Variants in MTX3 observed in about 807,000 individuals in gnomAD.
MTX3 encodes metaxin 3.
A neutral mutation model predicts 42.5 loss-of-function variants in MTX3; 27 were observed. The observed-to-expected ratio is 0.64, with a 90% CI of 0.47 to 0.88. MTX3 has a LOEUF of 0.88. Among genes scored for constraint, MTX3 ranks in the 40% least tolerant of loss-of-function variants. The pLI, the probability that MTX3 is intolerant of heterozygous loss-of-function variation, is 0.00. For missense variants in MTX3, 378 were observed against 367.0 expected (o/e 1.03, Z -0.25); for synonymous variants, 144 against 132.9 (o/e 1.08, Z -0.57).
rs1831416189 is a variant in MTX3, at chr5:79,983,434, T to TACG, written c.*247_*249dup. ...GATTAAGGCAGTTCTTTGTATACAG[T>TACG]ACGATGTGTTTTTCTTCCCCGCCCC... On this transcript the variant is annotated 3_prime_UTR_variant, in exon 9 of 9. Coordinates refer to ENST00000512528, the MANE Select transcript of MTX3 (RefSeq NM_001363818.2). The TACG allele has an allele frequency of 1.9e-6, 1 of 520,834 alleles. No homozygotes were observed. Among genetic ancestry groups the TACG allele is most frequent in the Non-Finnish European group, 3.4e-6 (1 of 290,494 alleles). The allele number at this position is 520,834 out of a possible 1,614,324, so 32.3% of individuals were successfully genotyped here. A position where few individuals can be genotyped will look rare whatever the true frequency, so the allele number is the denominator to read the frequency against.
intron 4 of MTX3, 102 bp from the exon 5 acceptor site, chr5:79,988,746 T>A: frequency 9.4e-7 from 1 of 1,064,952 alleles, no homozygotes; most frequent in Non-Finnish European, 1.3e-6. Flanking sequence ...ATATGAAGTG[T>A]CTTCATACAA....
Position 79,977,132 on chromosome 5 carries a change from T to C in MTX3, c.*6552A>G, listed in dbSNP as rs959689690. The C allele has an allele frequency of 6.6e-6, 1 of 152,080 alleles. No individual in the cohort carries two copies. The highest frequency in any genetic ancestry group is 2.4e-5 in the African/African-American group (1 of 41,402). The allele number at this position is 152,080 out of a possible 1,614,324, so 9.4% of individuals were successfully genotyped here. A position where few individuals can be genotyped will look rare whatever the true frequency, so the allele number is the denominator to read the frequency against. On this transcript the variant is annotated 3_prime_UTR_variant, in exon 9 of 9. Transcript: ENST00000512528. The stretch of plus-strand genomic sequence containing the variant: ...TCCCACTTCAAAATGAACAGAAAAA[T>C]GGAAAAACATTATTTCCCATTTCAT...
Position 79,985,563 on chromosome 5 carries a change from G to T in MTX3, c.828+8C>A, listed in dbSNP as rs765339406. The stretch of plus-strand genomic sequence containing the variant: ...GAACTATGATAAAATGATTGAAGTA[G>T]ACTTGACCTTTTCAATCAAGTTGGA... On this transcript the variant is annotated splice_region_variant and intron_variant, in intron 8 of 8. Coordinates refer to ENST00000512528, the MANE Select transcript of MTX3 (RefSeq NM_001363818.2). 5 of 1,573,868 alleles carry T rather than the reference G, an allele frequency of 3.2e-6. No homozygotes were observed. Among genetic ancestry groups the T allele is most frequent in the African/African-American group, 2.7e-5 (2 of 74,168 alleles).
At chr5:79,988,697 ATCAC>A in intron 4 of MTX3, 53 bp from the exon 5 acceptor site, 1 of 1,421,878 alleles carries the variant, frequency 7.0e-7, no homozygotes, top group Non-Finnish European at 9.4e-7. Context: ...TAAATGAAAG[ATCAC>A]TCAATCAACA....
At chr5:79,990,556 A>G (rs773578153) in intron 2 of MTX3, 38 bp downstream of exon 2, 94 of 1,308,010 alleles carry the variant, frequency 7.2e-5, no homozygotes, top group Non-Finnish European at 1.0e-4. Flanking sequence ...AAGAAAAAAA[A>G]GAGTGCAGAA....
At chr5:79,985,782 CAA>C (rs1457868752) in intron 7 of MTX3, 123 bp from the exon 8 acceptor site, 1 of 626,012 alleles carries the variant, frequency 1.6e-6, no homozygotes, top group African/African-American at 1.9e-5. Flanking sequence ...CCAAAAAAGG[CAA>C]AGAGGAAAAC....
At position 79,982,819 on chromosome 5, in the gene MTX3, C is replaced by T. The variant is rs559400490; in HGVS notation, c.*865G>A. ...TCTACTACCCTGGCCATGGGCTCCT[C>T]CTGAGTAGTGTCTAACAAGTGGGCA... On this transcript the variant is annotated 3_prime_UTR_variant, in exon 9 of 9. Coordinates refer to ENST00000512528, the MANE Select transcript of MTX3 (RefSeq NM_001363818.2). 3 of 167,748 alleles carry T rather than the reference C, an allele frequency of 1.8e-5. No homozygotes were observed. Among genetic ancestry groups the T allele is most frequent in the Non-Finnish European group, 3.9e-5 (3 of 77,720 alleles). The allele number at this position is 167,748 out of a possible 1,614,324, so 10.4% of individuals were successfully genotyped here.
chr5:79,988,763 C>A, intron 4 of MTX3, 119 bp from the exon 5 acceptor site: 2 of 926,348 alleles, frequency 2.2e-6, no homozygotes, highest in Non-Finnish European at 3.2e-6. Flanking sequence ...ACAAATTTTC[C>A]AGTTAGAATG....
chr5:79,990,704 G>T, intron 1 of MTX3, 41 bp from the exon 2 acceptor site: 1 of 1,443,168 alleles, frequency 6.9e-7, no homozygotes, highest in Non-Finnish European at 9.7e-7. Flanking sequence ...GACCAAGTGC[G>T]TAATGCAAAG....
At chr5:79,989,298 A>C in intron 3 of MTX3, 54 bp from the exon 4 acceptor site, 1 of 1,083,608 alleles carries the variant, frequency 9.2e-7, no homozygotes, top group Non-Finnish European at 1.3e-6. Context: ...CAGCCCAAAG[A>C]CAGTAAAACT....
At position 79,981,001 on chromosome 5, in the gene MTX3, TC is replaced by T. The variant is rs1362781732; in HGVS notation, c.*2682del. 5 of 151,752 alleles carry T rather than the reference TC, an allele frequency of 3.3e-5. No homozygotes were observed. The highest frequency in any genetic ancestry group is 7.3e-5 in the Non-Finnish European group (5 of 68,040). 9.4% of individuals were successfully genotyped at this position (151,752 alleles called of 1,614,324 possible). A position where few individuals can be genotyped will look rare whatever the true frequency, so the allele number is the denominator to read the frequency against. Reference sequence around the variant, plus strand: ...GCCTGAGCAACATGGTGAAACCCCGTCTCGACTAAAAAAAAAACAAAATTAG... The same window carrying T: ...GCCTGAGCAACATGGTGAAACCCCGTTCGACTAAAAAAAAAACAAAATTAG... On this transcript the variant is annotated 3_prime_UTR_variant, in exon 9 of 9. Coordinates refer to ENST00000512528, the MANE Select transcript of MTX3 (RefSeq NM_001363818.2).
rs376227324 is a variant in MTX3, at chr5:79,986,997, C to T, written c.692G>A (p.Arg231His). 1.2e-6 allele frequency: 2 copies of T among 1,613,876 alleles called. No homozygotes were observed. Among genetic ancestry groups the T allele is most frequent in the Middle Eastern group, 1.6e-4 (1 of 6,062 alleles). The change falls in exon 7 of 9, where the codon CGC becomes CAC. Residue 231 changes from arginine (R) to histidine (H), a missense_variant. Transcript: ENST00000512528. ...EHLKQLSNLC[R>H]FCDDILSSYF... ...ACTGCTCAGGATGTCATCACAAAAG[C>T]GACAGAGGTTGGAGAGCTGTTTCAG...
chr5:79,985,232 C>G (rs984214513), intron 8 of MTX3, among the ~76,000 whole-genome samples: 1 of 152,080 alleles, frequency 6.6e-6, no homozygotes, highest in Non-Finnish European at 1.5e-5. Context: ...CTGCCCGCCT[C>G]GGCCTCCCAA....
chr5:79,988,315 T>C lies in MTX3; in HGVS notation c.505A>G (p.Ile169Val). The C allele has an allele frequency of 6.5e-7, 1 of 1,544,446 alleles. No individual in the cohort carries two copies. The highest frequency in any genetic ancestry group is 8.8e-7 in the Non-Finnish European group (1 of 1,136,484). ...AGGCACTCCTTGGCATCTCTGTATATCTAATAAGGATGAAATTATATCTCA... is the reference window on the plus strand; with the variant it reads ...AGGCACTCCTTGGCATCTCTGTATACCTAATAAGGATGAAATTATATCTCA... ...LYHLREVEAQIYRDAKECLNL... is the reference protein window; with the variant it reads ...LYHLREVEAQVYRDAKECLNL... Residue 169 changes from isoleucine (I) to valine (V), a missense_variant and splice_region_variant, in exon 6 of 9, where the codon ATA (isoleucine) becomes GTA (valine). Ile to Val is a conservative substitution (Grantham distance 29). Transcript: ENST00000512528.
Position 79,982,404 on chromosome 5 carries a change from G to C in MTX3, c.*1280C>G, listed in dbSNP as rs1343379565. The stretch of plus-strand genomic sequence containing the variant: ...CAAAGCTCATTTTCTTAACATATGG[G>C]TTCCTGCACGACTTGATAAGATTTG... On this transcript the variant is annotated 3_prime_UTR_variant, in exon 9 of 9. Coordinates refer to ENST00000512528, the MANE Select transcript of MTX3 (RefSeq NM_001363818.2). The C allele has an allele frequency of 4.4e-6, 2 of 456,402 alleles. No individual in the cohort carries two copies. The highest frequency in any genetic ancestry group is 4.0e-5 in the African/African-American group (2 of 50,038). The allele number at this position is 456,402 out of a possible 1,614,324, so 28.3% of individuals were successfully genotyped here.
At chr5:79,989,320 G>T in intron 3 of MTX3, 76 bp from the exon 4 acceptor site, 1 of 901,650 alleles carries the variant, frequency 1.1e-6, no homozygotes, top group Non-Finnish European at 1.7e-6. Flanking sequence ...ATCAAATCAG[G>T]ATTCATATTT....
intron 6 of MTX3, 106 bp downstream of exon 6, chr5:79,988,133 A>G: frequency 1.4e-6 from 1 of 707,406 alleles, no homozygotes. Flanking sequence ...TGTTTTTTTT[A>G]AGTAAAAAAC....
At position 79,980,287 on chromosome 5, in the gene MTX3, G is replaced by A. The variant is rs1831343404; in HGVS notation, c.*3397C>T. ...ACCTGTTTCTGCCTCTTTCAATGGT[G>A]TTTTTCCATTTTTACAGACTTCTGA... is the stretch of plus-strand genomic sequence containing the variant. On this transcript the variant is annotated 3_prime_UTR_variant, in exon 9 of 9. Coordinates refer to ENST00000512528, the MANE Select transcript of MTX3 (RefSeq NM_001363818.2). The A allele has an allele frequency of 6.6e-6, 1 of 152,032 alleles. No homozygotes were observed. The highest frequency in any genetic ancestry group is 1.5e-5 in the Non-Finnish European group (1 of 67,998). 9.4% of individuals were successfully genotyped at this position (152,032 alleles called of 1,614,324 possible).
rs1831301553 is a variant in MTX3, at chr5:79,978,383, A to C, written c.*5301T>G. On this transcript the variant is annotated 3_prime_UTR_variant, in exon 9 of 9. Coordinates refer to ENST00000512528, the MANE Select transcript of MTX3 (RefSeq NM_001363818.2). ...GCGGGCAGAATCACCTGAGGTCAGG[A>C]GTTCAAAATCAGCCTGGTCAACATG... 1 of 152,196 alleles carries C rather than the reference A, an allele frequency of 6.6e-6. No homozygotes were observed. Among genetic ancestry groups the C allele is most frequent in the East Asian group, 1.9e-4 (1 of 5,194 alleles). 9.4% of individuals were successfully genotyped at this position (152,196 alleles called of 1,614,324 possible).
Sources: allele counts gnomAD v4.1 joint callset (sites outside exome capture counted in the v4.1 genomes callset), GRCh38; gene constraint gnomAD v4.1.1; transcripts MANE v1.5; gene names NCBI Gene and HGNC (gene_info 2026-07-23, HGNC 2026-07-21).